The following MARCHF1 variants were observed in gnomAD, a reference collection of about 807,000 sequenced individuals.
MARCHF1 encodes E3 ubiquitin-protein ligase MARCHF1.
In MARCHF1, 40 loss-of-function variants were observed where a neutral mutation model predicts 54.2. That is an observed-to-expected ratio of 0.74 (90% confidence interval 0.57 to 0.96). The LOEUF is 0.96. MARCHF1 is among the 40% of genes least tolerant of loss of function. MARCHF1 has a pLI of 0.00. For missense variants in MARCHF1, 586 were observed against 656.5 expected, an observed-to-expected ratio of 0.89 and a Z score of 1.17; for synonymous variants, 236 against 236.3, an observed-to-expected ratio of 1.00 and a Z score of 0.01.
At chr4:164,220,337 A>G (rs1156723484) in intron 1 of MARCHF1, among the ~76,000 whole-genome samples, 1 of 147,522 alleles carries the variant, frequency 6.8e-6, no homozygotes, top group Non-Finnish European at 1.5e-5. Flanking sequence ...TAGGAATTCC[A>G]TTATATATAT....
At chr4:163,576,901 TG>T (rs1339556894) in intron 8 of MARCHF1, among the ~76,000 whole-genome samples, 1 of 152,128 alleles carries the variant, frequency 6.6e-6, no homozygotes, top group African/African-American at 2.4e-5. Context: ...GTTTTCCATT[TG>T]CATGGTAGAT....
chr4:164,032,824 C>T (rs541272888), intron 2 of MARCHF1, among the ~76,000 whole-genome samples: 5 of 151,778 alleles, frequency 3.3e-5, no homozygotes, highest in South Asian at 2.1e-4. Flanking sequence ...CATATGGGAC[C>T]GAAAAAGAGC....
At chr4:164,262,856 T>C (rs1733504913) in intron 1 of MARCHF1, among the ~76,000 whole-genome samples, 1 of 152,162 alleles carries the variant, frequency 6.6e-6, no homozygotes, top group African/African-American at 2.4e-5. Context: ...TAAAAGGATA[T>C]ATTATGAGTG....
intron 3 of MARCHF1, among the ~76,000 whole-genome samples, chr4:163,987,521 T>C (rs915997741): frequency 6.6e-6 from 1 of 152,216 alleles, no homozygotes; most frequent in Non-Finnish European, 1.5e-5. Context: ...TTTATTTGCT[T>C]TATTTTTTGT....
At chr4:163,994,301 T>TGTGTGTGA (rs1453877577) in intron 2 of MARCHF1, among the ~76,000 whole-genome samples, 3 of 143,416 alleles carry the variant, frequency 2.1e-5, no homozygotes, top group African/African-American at 5.4e-5. Flanking sequence ...TGTGTGTGTG[T>TGTGTGTGA]GAGTGTGGTG....
Position 163,854,152 on chromosome 4 carries a change from T to C in MARCHF1, c.-21A>G. 2 of 1,509,826 alleles carry C rather than the reference T, an allele frequency of 1.3e-6. No individual in the cohort carries two copies. The highest frequency in any genetic ancestry group is 1.8e-6 in the Non-Finnish European group (2 of 1,132,820). The allele number at this position is 1,509,826 out of a possible 1,614,324, so 93.5% of individuals were successfully genotyped here. On this transcript the variant is annotated 5_prime_UTR_variant, in exon 4 of 10. Coordinates refer to ENST00000514618, the MANE Select transcript of MARCHF1 (RefSeq NM_001394959.1). ...AGCATTTTCTCCTTCCTCTTATCCC[T>C]TTTCAATTTCTGAAATTCTGAAAAT...
At chr4:164,116,946 A>G (rs1579548483) in intron 1 of MARCHF1, among the ~76,000 whole-genome samples, 1 of 152,250 alleles carries the variant, frequency 6.6e-6, no homozygotes, top group South Asian at 2.1e-4. Flanking sequence ...TAAATATGCC[A>G]AATCAATGTC....
At chr4:163,964,355 A>G (rs1402623630) in intron 3 of MARCHF1, among the ~76,000 whole-genome samples, 1 of 151,968 alleles carries the variant, frequency 6.6e-6, no homozygotes, top group Non-Finnish European at 1.5e-5. Context: ...ATTCATTACT[A>G]TTTACTTAAT....
At chr4:163,616,125 A>T (rs1020788373) in intron 5 of MARCHF1, among the ~76,000 whole-genome samples, 1 of 152,188 alleles carries the variant, frequency 6.6e-6, no homozygotes, top group Non-Finnish European at 1.5e-5. Context: ...TAGGAAAAAC[A>T]TGGAGAAATC....
At chr4:163,939,278 T>C (rs1751861540) in intron 3 of MARCHF1, among the ~76,000 whole-genome samples, 1 of 152,160 alleles carries the variant, frequency 6.6e-6, no homozygotes, top group Non-Finnish European at 1.5e-5. Flanking sequence ...CACAACCTCA[T>C]GTAGAGACCT....
At chr4:163,592,866 A>C (rs1177964109) in intron 7 of MARCHF1, among the ~76,000 whole-genome samples, 1 of 152,086 alleles carries the variant, frequency 6.6e-6, no homozygotes, top group Non-Finnish European at 1.5e-5. Flanking sequence ...CTTGAAACAC[A>C]TTAAGATTCC....
chr4:163,758,789 C>T (rs1169252583), intron 4 of MARCHF1, among the ~76,000 whole-genome samples: 1 of 152,180 alleles, frequency 6.6e-6, no homozygotes, highest in Non-Finnish European at 1.5e-5. Context: ...TGTATTTTCT[C>T]ACAGCCTAAA....
intron 2 of MARCHF1, among the ~76,000 whole-genome samples, chr4:164,043,130 G>A (rs1469561931): frequency 6.6e-6 from 1 of 152,180 alleles, no homozygotes; most frequent in Non-Finnish European, 1.5e-5. Context: ...TATGGAGGAT[G>A]ATGGCCCTCT....
At chr4:163,559,666 G>T (rs1273849229) in intron 8 of MARCHF1, among the ~76,000 whole-genome samples, 2 of 152,202 alleles carry the variant, frequency 1.3e-5, no homozygotes, top group Non-Finnish European at 2.9e-5. Flanking sequence ...CTGCACTTGT[G>T]TCCTATGTCT....
At chr4:163,655,249 A>G (rs1189018135) in intron 5 of MARCHF1, among the ~76,000 whole-genome samples, 1 of 151,578 alleles carries the variant, frequency 6.6e-6, no homozygotes, top group East Asian at 1.9e-4. Flanking sequence ...GTATTTCATG[A>G]CATTTCGTAC....
intron 1 of MARCHF1, among the ~76,000 whole-genome samples, chr4:164,261,486 A>G (rs1193192582): frequency 2.6e-5 from 4 of 152,258 alleles, no homozygotes; most frequent in East Asian, 1.9e-4. Flanking sequence ...TAAAGCTTCA[A>G]TGGGCTTTTC....
intron 4 of MARCHF1, among the ~76,000 whole-genome samples, chr4:163,803,363 G>A (rs1748135624): frequency 6.6e-6 from 1 of 152,072 alleles, no homozygotes; most frequent in Non-Finnish European, 1.5e-5. Flanking sequence ...AGTAGAGACG[G>A]GGTTTCGCCA....
At chr4:164,036,478 T>C (rs756052961) in intron 2 of MARCHF1, among the ~76,000 whole-genome samples, 2 of 152,148 alleles carry the variant, frequency 1.3e-5, no homozygotes, top group South Asian at 4.1e-4. Context: ...ATATATTAAA[T>C]ATAAATATGT....
intron 1 of MARCHF1, among the ~76,000 whole-genome samples, chr4:164,367,606 G>T (rs1730911054): frequency 9.0e-6 from 1 of 111,046 alleles, no homozygotes; most frequent in African/African-American, 2.8e-5. Flanking sequence ...TATTCACTTG[G>T]TAGGAATGAC....
Sources: allele counts gnomAD v4.1 joint callset (sites outside exome capture counted in the v4.1 genomes callset), GRCh38; gene constraint gnomAD v4.1.1; transcripts MANE v1.5; gene names NCBI Gene and HGNC (gene_info 2026-07-23, HGNC 2026-07-21).